Variants in CXCL13 observed in about 807,000 individuals in gnomAD.
CXCL13 encodes C-X-C motif chemokine ligand 13.
A neutral mutation model predicts 12.2 loss-of-function variants in CXCL13; 7 were observed. That is an observed-to-expected ratio of 0.57 (90% CI 0.33 to 1.07). CXCL13 has a LOEUF of 1.07. CXCL13 is among the 50% of genes least tolerant of loss of function. CXCL13 has a pLI of 0.04. For missense variants in CXCL13, 113 were observed against 127.4 expected (o/e 0.89, Z 0.55); for synonymous variants, 47 against 42.4 (o/e 1.11, Z -0.42).
intron 1 of CXCL13, among the ~76,000 whole-genome samples, chr4:77,529,322 A>G (rs901952676): frequency 6.6e-6 from 1 of 152,186 alleles, no homozygotes; most frequent in Non-Finnish European, 1.5e-5. Context: ...GAAGAAAGTC[A>G]TTGGTAGCTT....
rs9995814 is a variant in CXCL13 at position 77,519,145 on chromosome 4, C to T, written c.-43+7357C>T. 6.0e-3 allele frequency among the ~76,000 whole-genome samples: 912 copies of T among 152,294 alleles called. 9 individuals carry two copies. Among genetic ancestry groups the T allele is most frequent in the Non-Finnish European group, 9.7e-3 (657 of 68,022 alleles). On this transcript the variant is annotated intron_variant, in intron 1 of 4. Transcript: ENST00000286758. ...CGTGAATGCTGCTGTCTGATCGTTC[C>T]TCTGGAAGTTTTGTCTCAGAGGAGT...
At chr4:77,543,397 C>G (rs544218130) in intron 1 of CXCL13, among the ~76,000 whole-genome samples, 1 of 152,100 alleles carries the variant, frequency 6.6e-6, no homozygotes, top group Admixed American at 6.6e-5. Context: ...CTTCTGCTAG[C>G]TTTGGGGTTA....
upstream of CXCL13, among the ~76,000 whole-genome samples, chr4:77,603,223 G>T (rs1227248988): frequency 4.6e-5 from 7 of 152,042 alleles, no homozygotes; most frequent in Non-Finnish European, 2.9e-5. Context: ...TTCTATACTT[G>T]GGTCTCAAGA....
At chr4:77,544,598 A>T (rs1241866115) in intron 1 of CXCL13, among the ~76,000 whole-genome samples, 1 of 151,510 alleles carries the variant, frequency 6.6e-6, no homozygotes, top group Non-Finnish European at 1.5e-5. Context: ...GGGTTGTTTG[A>T]TTTTTTCTTG....
chr4:77,578,555 C>A (rs1027672916), intron 1 of CXCL13, among the ~76,000 whole-genome samples: 1 of 152,138 alleles, frequency 6.6e-6, no homozygotes, highest in Non-Finnish European at 1.5e-5. Context: ...GAATTTCATG[C>A]CTTCTGTAGG....
intron 1 of CXCL13, among the ~76,000 whole-genome samples, chr4:77,557,532 C>T (rs986420977): frequency 4.6e-5 from 7 of 152,206 alleles, no homozygotes; most frequent in African/African-American, 1.7e-4. Flanking sequence ...TCCTCAGGGA[C>T]ACTGTTTTCT....
chr4:77,549,668 C>G (rs1163844911), intron 1 of CXCL13, among the ~76,000 whole-genome samples: 1 of 152,142 alleles, frequency 6.6e-6, no homozygotes, highest in Non-Finnish European at 1.5e-5. Context: ...CCAGCAGAGG[C>G]TGCAGAACAG....
chr4:77,515,916 C>G (rs980767123), intron 1 of CXCL13, among the ~76,000 whole-genome samples: 2 of 152,160 alleles, frequency 1.3e-5, no homozygotes, highest in Non-Finnish European at 2.9e-5. Context: ...CCAGTTTTTG[C>G]ACATTCAGTA....
chr4:77,605,611 T>C (rs1726982899), upstream of CXCL13, among the ~76,000 whole-genome samples: 1 of 152,224 alleles, frequency 6.6e-6, no homozygotes, highest in African/African-American at 2.4e-5. Context: ...CCAGTGTCTC[T>C]GGCACTTATA....
chr4:77,539,408 T>C (rs576475340), intron 1 of CXCL13, among the ~76,000 whole-genome samples: 2 of 152,342 alleles, frequency 1.3e-5, no homozygotes, highest in South Asian at 4.1e-4. Flanking sequence ...ATCACAAGCA[T>C]GAGCCACTGC....
intron 1 of CXCL13, among the ~76,000 whole-genome samples, chr4:77,533,416 C>T (rs915436859): frequency 3.3e-5 from 5 of 152,168 alleles, no homozygotes; most frequent in Admixed American, 6.5e-5. Context: ...GAGGAGTACC[C>T]GGCCATGTGA....
chr4:77,609,551 G>A (rs774594195), intron 2 of CXCL13, among the ~76,000 whole-genome samples: 4 of 151,970 alleles, frequency 2.6e-5, no homozygotes, highest in East Asian at 1.9e-4. Context: ...CAAGCAATCC[G>A]CCCACCTCAG....
chr4:77,513,391 C>G (rs569014105), intron 1 of CXCL13, among the ~76,000 whole-genome samples: 1 of 152,258 alleles, frequency 6.6e-6, no homozygotes, highest in African/African-American at 2.4e-5. Flanking sequence ...AATTTACACT[C>G]CCACCAACAG....
At chr4:77,513,707 C>T (rs935132346) in intron 1 of CXCL13, among the ~76,000 whole-genome samples, 2 of 152,136 alleles carry the variant, frequency 1.3e-5, no homozygotes, top group African/African-American at 4.8e-5. Flanking sequence ...CCAACTCAGC[C>T]TCCCAAAATG....
intron 1 of CXCL13, among the ~76,000 whole-genome samples, chr4:77,532,734 T>C (rs937596693): frequency 1.3e-5 from 2 of 152,212 alleles, no homozygotes; most frequent in African/African-American, 4.8e-5. Flanking sequence ...TCTTGGATGC[T>C]TTGTTCATTT....
At chr4:77,567,323 C>T (rs903213260) in intron 1 of CXCL13, among the ~76,000 whole-genome samples, 1 of 152,198 alleles carries the variant, frequency 6.6e-6, no homozygotes, top group Non-Finnish European at 1.5e-5. Flanking sequence ...AGTTTTACTG[C>T]TCACACAATG....
At chr4:77,563,642 A>C (rs1725864449) in intron 1 of CXCL13, among the ~76,000 whole-genome samples, 1 of 152,222 alleles carries the variant, frequency 6.6e-6, no homozygotes, top group South Asian at 2.1e-4. Flanking sequence ...CACTCTCAAG[A>C]ATAGTGGGAT....
At chr4:77,580,368 C>G (rs1726298119) in intron 1 of CXCL13, among the ~76,000 whole-genome samples, 1 of 73,030 alleles carries the variant, frequency 1.4e-5, no homozygotes, top group Admixed American at 2.2e-4. Context: ...CTCTCTTTCA[C>G]CAGGCTGGAG....
chr4:77,517,185 T>A (rs911282161), intron 1 of CXCL13, among the ~76,000 whole-genome samples: 2 of 152,206 alleles, frequency 1.3e-5, no homozygotes, highest in Non-Finnish European at 2.9e-5. Flanking sequence ...TTTGTTATAA[T>A]GTCTGTTCTT....
Sources: allele counts gnomAD v4.1 joint callset (sites outside exome capture counted in the v4.1 genomes callset), GRCh38; gene constraint gnomAD v4.1.1; transcripts MANE v1.5; gene names NCBI Gene and HGNC (gene_info 2026-07-23, HGNC 2026-07-21).